The following IBTK variants were observed in gnomAD, a reference collection of about 807,000 sequenced individuals.
IBTK encodes BTK-binding protein.
Under a neutral mutation model 154.9 loss-of-function variants are expected in IBTK, and 83 were observed. The ratio of observed to expected loss-of-function variants is 0.54; its 90% CI spans 0.45 to 0.64. IBTK has a LOEUF of 0.64. IBTK is among the 30% of genes least tolerant of loss of function. The pLI is 0.00. For missense variants in IBTK, 1,332 were observed against 1,584.6 expected, an observed-to-expected ratio of 0.84 and a Z score of 2.71; for synonymous variants, 515 against 536.1, an observed-to-expected ratio of 0.96 and a Z score of 0.54.
chr6:82,238,775 G>A (rs576230729), intron 2 of IBTK, among the ~76,000 whole-genome samples: 1 of 152,078 alleles, frequency 6.6e-6, no homozygotes, highest in Non-Finnish European at 1.5e-5. Context: ...GTCTCACTCT[G>A]TCGCCTAGGC....
At chr6:82,242,208 A>T (rs112315726) in intron 1 of IBTK, among the ~76,000 whole-genome samples, 3 of 152,120 alleles carry the variant, frequency 2.0e-5, no homozygotes, top group African/African-American at 7.2e-5. Context: ...TATCTCTATT[A>T]AAAATACAAA....
Position 82,214,737 on chromosome 6 carries a change from T to C in IBTK, c.1694A>G (p.Asp565Gly). The C allele has an allele frequency of 6.2e-7, 1 of 1,614,068 alleles. No homozygotes were observed. The highest frequency in any genetic ancestry group is 8.5e-7 in the Non-Finnish European group (1 of 1,179,970). The change falls in exon 12 of 29, where the codon GAT (aspartate) becomes GGT (glycine). Residue 565 changes from aspartate to glycine, a missense_variant. By Grantham distance (94) the Asp-to-Gly change is moderately conservative. Around this residue, in one of 3 missense-constraint regions of IBTK, gnomAD observed 1,134 missense variants for 1,274.7 expected, o/e 0.89. Coordinates refer to ENST00000306270, the MANE Select transcript of IBTK (RefSeq NM_015525.4). ...TCTATTGCCAACTTGAAATGTCACA[T>C]CATGAATGCTGTCCATTTCATCTGC... ...READEMDSIH[D>G]VTFQVGNRLF...
intron 23 of IBTK, among the ~76,000 whole-genome samples, chr6:82,194,236 T>G (rs1331709774): frequency 6.6e-6 from 1 of 152,138 alleles, no homozygotes; most frequent in African/African-American, 2.4e-5. Context: ...TCTATATACG[T>G]AAAACATAGT....
Position 82,214,208 on chromosome 6 carries a change from TATAAAA to T in IBTK, c.2204+13_2204+18del. ...GGACTGAATGAGGTACAGGAACAGA[TATAAAA>T]GAGAAATCATACCTACTACTCAAAT... On this transcript the variant is annotated intron_variant, in intron 12 of 28. Transcript: ENST00000306270. The T allele has an allele frequency of 6.3e-7, 1 of 1,592,096 alleles. No homozygotes were observed. Among genetic ancestry groups the T allele is most frequent in the Non-Finnish European group, 8.5e-7 (1 of 1,171,250 alleles).
At chr6:82,184,228 C>A (rs554612024) in intron 25 of IBTK, among the ~76,000 whole-genome samples, 161 of 152,184 alleles carry the variant, frequency 1.1e-3, no homozygotes, top group African/African-American at 3.7e-3. Context: ...ACCTTAACAG[C>A]CACAGAAAAT....
At chr6:82,201,366 A>G in intron 19 of IBTK, 56 bp downstream of exon 19, 2 of 1,249,824 alleles carry the variant, frequency 1.6e-6, no homozygotes, top group South Asian at 1.3e-5. Context: ...CTGATCTAAT[A>G]TACTGCTTAA....
intron 18 of IBTK, 49 bp from the exon 19 acceptor site, chr6:82,201,531 AACTG>A: frequency 4.5e-6 from 6 of 1,319,492 alleles, no homozygotes; most frequent in East Asian, 2.4e-5. Flanking sequence ...GTGACTTGAT[AACTG>A]TCAAGTTGCT....
intron 8 of IBTK, among the ~76,000 whole-genome samples, chr6:82,222,901 T>TAA (rs74272606): frequency 1.2e-4 from 16 of 137,392 alleles, no homozygotes; most frequent in Non-Finnish European, 9.5e-5. Context: ...CTGTCTCAAT[T>TAA]AAAAAAAAAA....
intron 6 of IBTK, among the ~76,000 whole-genome samples, chr6:82,224,550 C>T (rs1288204568): frequency 6.6e-6 from 1 of 152,196 alleles, no homozygotes; most frequent in East Asian, 1.9e-4. Context: ...TTTCCATGGT[C>T]TCTCAATAGT....
rs1049385684 is a variant in IBTK, at chr6:82,240,725, TA to T, written c.-240del. 3.8e-5 allele frequency: 18 copies of T among 478,586 alleles called. No individual in the cohort carries two copies. Among genetic ancestry groups the T allele is most frequent in the African/African-American group, 3.4e-4 (17 of 50,148 alleles). 29.6% of individuals were successfully genotyped at this position (478,586 alleles called of 1,614,324 possible). On this transcript the variant is annotated 5_prime_UTR_variant, in exon 2 of 29. Coordinates refer to ENST00000306270, the MANE Select transcript of IBTK (RefSeq NM_015525.4). ...TCATATCAAATACAAGTTCTTCATT[TA>T]AAAAAATTCCACAGTTTATAAATTA...
Position 82,191,863 on chromosome 6 carries a change from C to A in IBTK, c.3355G>T (p.Val1119Phe), listed in dbSNP as rs751731261. Residue 1119 changes from valine (V) to phenylalanine (F), a missense_variant, in exon 24 of 29, where the codon GTT becomes TTT. Around this residue, in one of 3 missense-constraint regions of IBTK, gnomAD observed 1,134 missense variants for 1,274.7 expected, o/e 0.89. Coordinates refer to ENST00000306270, the MANE Select transcript of IBTK (RefSeq NM_015525.4). Reference sequence around the variant, plus strand: ...TCCATGATAGTTCTGAGATCCACAACAGGAGGGCTGACAGGACTAAAAGAC... The same window carrying A: ...TCCATGATAGTTCTGAGATCCACAAAAGGAGGGCTGACAGGACTAAAAGAC... ...AGSFSPVSPP[V>F]VDLRTIMEIE... The A allele has an allele frequency of 3.7e-6, 6 of 1,609,828 alleles. No homozygotes were observed. In the South Asian group the frequency reaches 6.6e-5, roughly 18 times the overall value.
At chr6:82,214,199 AG>A (rs748183156) in intron 12 of IBTK, 27 bp downstream of exon 12, 5 of 1,578,668 alleles carry the variant, frequency 3.2e-6, no homozygotes, top group Non-Finnish European at 4.3e-6. Context: ...AATGAGGTAC[AG>A]GAACAGATAT....
rs774160811 is a variant in IBTK at position 82,216,265 on chromosome 6, T to A, written c.1427-15A>T. ...TGATAAAATCTCTGTTAAAAAAAAA[T>A]AAACTACCATTAATCAAGGCTTTAC... On this transcript the variant is annotated splice_polypyrimidine_tract_variant and intron_variant, in intron 10 of 28. Transcript: ENST00000306270. The A allele has an allele frequency of 1.3e-6, 2 of 1,506,582 alleles. No individual in the cohort carries two copies. The highest frequency in any genetic ancestry group is 4.6e-5 in the East Asian group (2 of 43,374). The allele number at this position is 1,506,582 out of a possible 1,614,324, so 93.3% of individuals were successfully genotyped here.
At chr6:82,199,169 T>C (rs959054024) in intron 21 of IBTK, among the ~76,000 whole-genome samples, 5 of 152,138 alleles carry the variant, frequency 3.3e-5, no homozygotes, top group African/African-American at 1.2e-4. Context: ...TATTCAAGTA[T>C]TCGGGGGAAA....
intron 16 of IBTK, among the ~76,000 whole-genome samples, chr6:82,208,760 T>C (rs539336026): frequency 6.6e-6 from 1 of 152,110 alleles, no homozygotes; most frequent in East Asian, 1.9e-4. Flanking sequence ...AAAAAAAAAT[T>C]AAGTTTTTGT....
At chr6:82,199,249 G>A (rs776264522) in intron 21 of IBTK, among the ~76,000 whole-genome samples, 2 of 152,104 alleles carry the variant, frequency 1.3e-5, no homozygotes, top group Non-Finnish European at 2.9e-5. Flanking sequence ...GTGTGTGTGT[G>A]TTTGTGTGTG....
chr6:82,173,000 CTT>C (rs59205005), intron 27 of IBTK: 140 of 148,960 alleles, frequency 9.4e-4, no homozygotes, highest in East Asian at 1.4e-3. Context: ...CTCTTATTCT[CTT>C]TTTTTTTTTT....
chr6:82,214,780 C>G lies in IBTK; in HGVS notation c.1651G>C (p.Gly551Arg). The G allele has an allele frequency of 6.2e-7, 1 of 1,609,194 alleles. No homozygotes were observed. The highest frequency in any genetic ancestry group is 8.5e-7 in the Non-Finnish European group (1 of 1,178,312). ...VSSSSFFEEF[G>R]KLLREADEMD... ...TCATCTGCTTCCCTCAACAGTTTGC[C>G]AAACTCTTCAAAAAAGGATGATGAG... Residue 551 changes from glycine (G) to arginine (R), a missense_variant, in exon 12 of 29, where the codon GGC becomes CGC. Around this residue, in one of 3 missense-constraint regions of IBTK, gnomAD observed 1,134 missense variants for 1,274.7 expected, o/e 0.89. Transcript: ENST00000306270.
chr6:82,220,141 T>C (rs1263569403), intron 9 of IBTK, among the ~76,000 whole-genome samples: 1 of 151,812 alleles, frequency 6.6e-6, no homozygotes, highest in Non-Finnish European at 1.5e-5. Flanking sequence ...ACCCAGGAGG[T>C]GGAGGTTGCA....
Sources: gnomAD v4.1 joint callset for allele counts (sites outside exome capture counted in the v4.1 genomes callset) on GRCh38, gnomAD v4.1.1 for gene constraint, gnomAD v4.1.1 regional missense constraint, MANE v1.5 for transcripts, NCBI Gene and HGNC (gene_info 2026-07-23, HGNC 2026-07-21) for gene names.